The following ANKRD55 variants were observed in gnomAD, a reference collection of about 807,000 sequenced individuals.
ANKRD55 encodes the protein ankyrin repeat domain 55.
In ANKRD55, 41 loss-of-function variants were observed where a neutral mutation model predicts 60.6. The observed-to-expected ratio is 0.68, with a 90% CI of 0.53 to 0.88. ANKRD55 has a LOEUF of 0.88. ANKRD55 is among the 40% of genes least tolerant of loss of function. The pLI, the probability that ANKRD55 is intolerant of heterozygous loss-of-function variation, is 0.00. For synonymous variants in ANKRD55, 264 were observed against 290.3 expected (o/e 0.91, Z 0.92); for missense variants, 732 against 767.6 (o/e 0.95, Z 0.55).
chr5:56,187,438 C>T (rs1356387717), intron 2 of ANKRD55, among the ~76,000 whole-genome samples: 1 of 152,272 alleles, frequency 6.6e-6, no homozygotes, highest in Non-Finnish European at 1.5e-5. Flanking sequence ...CTCTCTGGGT[C>T]ACCTCCCTTT....
At chr5:56,131,257 A>C (rs1757402402) in intron 7 of ANKRD55, among the ~76,000 whole-genome samples, 1 of 152,226 alleles carries the variant, frequency 6.6e-6, no homozygotes, top group South Asian at 2.1e-4. Flanking sequence ...GAAGGAAGCC[A>C]GAGGAAAAGA....
intron 11 of ANKRD55, 148 bp downstream of exon 11, chr5:56,102,346 T>C (rs1756306959): frequency 4.4e-6 from 2 of 459,264 alleles, no homozygotes; most frequent in East Asian, 4.3e-5. Flanking sequence ...GCTGAGATCA[T>C]GTTCATTGCA....
At chr5:56,166,201 C>CCTTCCTTCCTTCCTTCCTTCCTTCCT (rs759875553) in intron 5 of ANKRD55, among the ~76,000 whole-genome samples, 4 of 117,502 alleles carry the variant, frequency 3.4e-5, no homozygotes, top group African/African-American at 1.1e-4. Context: ...TTCCTTCCTT[C>CCTTCCTTCCTTCCTTCCTTCCTTCCT]TCTCTCTCTC....
At chr5:56,158,161 A>G (rs1420237423) in intron 6 of ANKRD55, among the ~76,000 whole-genome samples, 2 of 151,594 alleles carry the variant, frequency 1.3e-5, no homozygotes, top group African/African-American at 2.4e-5. Context: ...AGCCTGGGCG[A>G]CAGAGTAAGA....
intron 10 of ANKRD55, among the ~76,000 whole-genome samples, chr5:56,109,869 T>A (rs1302793507): frequency 6.6e-6 from 1 of 151,928 alleles, no homozygotes; most frequent in African/African-American, 2.4e-5. Flanking sequence ...ATACAAAGAA[T>A]TAGCTGGGTG....
At chr5:56,101,809 G>A (rs1165281898) in intron 11 of ANKRD55, among the ~76,000 whole-genome samples, 1 of 151,960 alleles carries the variant, frequency 6.6e-6, no homozygotes, top group Non-Finnish European at 1.5e-5. Flanking sequence ...GGAATGCATG[G>A]ACTGTGAGTA....
At chr5:56,131,246 A>G (rs562966157) in intron 7 of ANKRD55, among the ~76,000 whole-genome samples, 1 of 152,312 alleles carries the variant, frequency 6.6e-6, no homozygotes, top group African/African-American at 2.4e-5. Flanking sequence ...GAAAAAGTCC[A>G]GAAGGAAGCC....
intron 7 of ANKRD55, among the ~76,000 whole-genome samples, chr5:56,130,540 G>T (rs1259048256): frequency 6.6e-6 from 1 of 152,118 alleles, no homozygotes; most frequent in African/African-American, 2.4e-5. Flanking sequence ...TTACTAAAGC[G>T]CTATTTACAG....
intron 7 of ANKRD55, among the ~76,000 whole-genome samples, chr5:56,139,363 C>T (rs1054115825): frequency 5.9e-5 from 9 of 152,132 alleles, no homozygotes; most frequent in African/African-American, 2.2e-4. Context: ...CTTAGGTCCA[C>T]AGTCTAGAAG....
At chr5:56,227,175 C>A (rs1760135745) in intron 2 of ANKRD55, among the ~76,000 whole-genome samples, 1 of 152,056 alleles carries the variant, frequency 6.6e-6, no homozygotes, top group Non-Finnish European at 1.5e-5. Flanking sequence ...AGGATGAGTT[C>A]ATGTCCTTTG....
intron 3 of ANKRD55, among the ~76,000 whole-genome samples, chr5:56,178,560 A>C (rs1305743463): frequency 6.6e-6 from 1 of 152,050 alleles, no homozygotes; most frequent in African/African-American, 2.4e-5. Context: ...ATTCATATAT[A>C]AAAGAAAAGG....
chr5:56,115,323 A>AC (rs750157985), intron 9 of ANKRD55, among the ~76,000 whole-genome samples: 4 of 141,690 alleles, frequency 2.8e-5, no homozygotes, highest in Admixed American at 2.1e-4. Context: ...ACTTTATTCT[A>AC]TTTTTTTTTT....
At chr5:56,214,705 T>A (rs1022599691) in intron 2 of ANKRD55, among the ~76,000 whole-genome samples, 10 of 152,318 alleles carry the variant, frequency 6.6e-5, no homozygotes, top group African/African-American at 2.4e-4. Context: ...CTGGGTTATA[T>A]ATTCACTAAG....
chr5:56,208,935 T>A (rs57351103), intron 2 of ANKRD55, among the ~76,000 whole-genome samples: 2,025 of 151,658 alleles, frequency 0.013, 49 homozygotes, highest in African/African-American at 0.047. Flanking sequence ...GGTACATGAC[T>A]GTATAGTTTT....
chr5:56,193,147 C>A, intron 2 of ANKRD55: 1 of 679,102 alleles, frequency 1.5e-6, no homozygotes. Flanking sequence ...GATTTAAGCC[C>A]TTTGTAAAAC....
intron 7 of ANKRD55, among the ~76,000 whole-genome samples, chr5:56,129,981 T>G (rs1757367604): frequency 6.6e-6 from 1 of 152,094 alleles, no homozygotes; most frequent in Non-Finnish European, 1.5e-5. Context: ...TCCATGTGAA[T>G]GTTTGAGGGT....
At chr5:56,176,467 C>A (rs1050868560) in intron 3 of ANKRD55, among the ~76,000 whole-genome samples, 185 bp from the exon 4 acceptor site, 4 of 152,172 alleles carry the variant, frequency 2.6e-5, no homozygotes, top group African/African-American at 4.8e-5. Context: ...TTTACTGGCT[C>A]TTTTCAATCT....
chr5:56,230,789 A>G (rs1020574754), intron 2 of ANKRD55, among the ~76,000 whole-genome samples: 1 of 152,228 alleles, frequency 6.6e-6, no homozygotes, highest in Non-Finnish European at 1.5e-5. Flanking sequence ...TTAGTCATCC[A>G]GCACTAAGCC....
chr5:56,111,470 A>G lies in ANKRD55; in HGVS notation c.1278T>C (p.Arg426=). The G allele has an allele frequency of 6.2e-7, 1 of 1,614,132 alleles. No individual in the cohort carries two copies. The highest frequency in any genetic ancestry group is 2.2e-5 in the East Asian group (1 of 44,880). ...GCGTTCTGATTGGTGGAAGCCCCTT[A>G]CGGGCCAGCGGTTTCTTTTCTGGTA... The part of the protein sequence containing the change: ...YLLPEKKPLA[R]KGLPPIRTQS... Residue 426 remains arginine (R), a synonymous_variant, in exon 10 of 12, where the codon CGT becomes CGC. Coordinates refer to ENST00000341048, the MANE Select transcript of ANKRD55 (RefSeq NM_024669.3).
Sources: allele counts gnomAD v4.1 joint callset (sites outside exome capture counted in the v4.1 genomes callset), GRCh38; gene constraint gnomAD v4.1.1; transcripts MANE v1.5; gene names NCBI Gene and HGNC (gene_info 2026-07-23, HGNC 2026-07-21).